ELP1: variants seen among roughly 807,000 people sequenced by gnomAD.
The protein encoded by ELP1 is elongator acetyltransferase complex subunit 1, also known as elongator complex protein 1.
Under a neutral mutation model 183.2 loss-of-function variants are expected in ELP1, and 131 were observed. The ratio of observed to expected loss-of-function variants is 0.72; its 90% confidence interval spans 0.62 to 0.83. The LOEUF is 0.83. Ranked by LOEUF, ELP1 falls within the 40% of genes least tolerant of loss-of-function variation. The pLI is 0.00. For synonymous variants in ELP1, 555 were observed against 569.0 expected (o/e 0.98, Z 0.35); for missense variants, 1,550 against 1,594.9 (o/e 0.97, Z 0.48).
chr9:108,869,280 T>C (rs1407412298), intron 36 of ELP1, 98 bp from the exon 37 acceptor site: 1 of 1,004,778 alleles, frequency 1.0e-6, no homozygotes. Flanking sequence ...CAGGTGGAGT[T>C]TGCAGCAATA....
intron 14 of ELP1, among the ~76,000 whole-genome samples, chr9:108,905,334 T>C (rs1828979161): frequency 6.6e-6 from 1 of 152,192 alleles, no homozygotes; most frequent in Non-Finnish European, 1.5e-5. Context: ...TGCCAAGTAT[T>C]GACACTGGAA....
Position 108,912,393 on chromosome 9 carries a change from C to A in ELP1, c.1060G>T (p.Val354Leu), listed in dbSNP as rs187183483. ...SKIVSLMWDP[V>L]TPYRLHVLCQ... is the part of the protein sequence containing the mutation. ...AGAACATGCAGCCGGTATGGGGTCA[C>A]AGGGTCCCACATCAGAGACACAATC... Residue 354 changes from valine to leucine, a missense_variant, in exon 11 of 37, where the codon GTG becomes TTG. Val to Leu is a conservative substitution (Grantham distance 32). Coordinates refer to ENST00000374647, the MANE Select transcript of ELP1 (RefSeq NM_003640.5). 52 of 1,614,152 alleles carry A rather than the reference C, an allele frequency of 3.2e-5. No individual in the cohort carries two copies. The East Asian group carries it at 1.1e-3, about 35-fold the overall frequency.
chr9:108,912,823 C>T (rs183422009), intron 10 of ELP1, among the ~76,000 whole-genome samples: 30 of 147,532 alleles, frequency 2.0e-4, no homozygotes, highest in African/African-American at 7.0e-4. Context: ...GGCGCAATCT[C>T]GGCTCACTGC....
chr9:108,882,269 A>C (rs955106226), intron 29 of ELP1, 82 bp from the exon 30 acceptor site: 662 of 1,159,032 alleles, frequency 5.7e-4, no homozygotes, highest in East Asian at 1.9e-3. Context: ...CTAACCACAG[A>C]CCTGCCTCTA....
intron 6 of ELP1, among the ~76,000 whole-genome samples, chr9:108,922,489 C>T (rs1242120656): frequency 6.6e-6 from 1 of 152,134 alleles, no homozygotes; most frequent in Non-Finnish European, 1.5e-5. Flanking sequence ...AGTATGAGAA[C>T]ATGCATGTGA....
chr9:108,904,556 T>C (rs1020725265), intron 14 of ELP1, among the ~76,000 whole-genome samples: 4 of 152,232 alleles, frequency 2.6e-5, no homozygotes, highest in Admixed American at 2.6e-4. Context: ...GGAATTCCTC[T>C]ACAAATGCTT....
chr9:108,896,700 G>A (rs1828560725), intron 24 of ELP1, 56 bp from the exon 25 acceptor site: 1 of 1,533,920 alleles, frequency 6.5e-7, no homozygotes, highest in African/African-American at 1.4e-5. Flanking sequence ...AAAATCCACA[G>A]ACCTAACAAC....
At chr9:108,921,585 C>CAAAA (rs11369159) in intron 6 of ELP1, among the ~76,000 whole-genome samples, 1 of 137,716 alleles carries the variant, frequency 7.3e-6, no homozygotes. Flanking sequence ...TAAGTCCTGC[C>CAAAA]AAAAAAAAAA....
intron 1 of ELP1, 53 bp from the exon 2 acceptor site, chr9:108,931,254 T>G: frequency 1.7e-6 from 2 of 1,171,708 alleles, no homozygotes; most frequent in East Asian, 2.4e-5. Flanking sequence ...TTTATTTAAA[T>G]GAAATGATTC....
At chr9:108,920,105 C>A (rs565208243) in intron 6 of ELP1, among the ~76,000 whole-genome samples, 27 of 152,202 alleles carry the variant, frequency 1.8e-4, no homozygotes, top group Non-Finnish European at 1.5e-5. Flanking sequence ...CTGAAATAGG[C>A]ATTATATGAA....
Position 108,878,934 on chromosome 9 carries a change from C to A in ELP1, c.3573-184G>T, listed in dbSNP as rs548610699. Among the ~76,000 whole-genome samples, 7 of 152,294 alleles carry A rather than the reference C, an allele frequency of 4.6e-5. No homozygotes were observed. In the South Asian group the frequency reaches 1.5e-3, roughly 32 times the overall value. ...TAATCTTGCATTGCTTTACACATCC[C>A]AAGCAAGACTATAAACTCTTATAAC... is the stretch of plus-strand genomic sequence containing the variant. On this transcript the variant is annotated intron_variant, in intron 33 of 36. Coordinates refer to ENST00000374647, the MANE Select transcript of ELP1 (RefSeq NM_003640.5).
At chr9:108,933,733 G>A (rs553112841) in intron 1 of ELP1, 131 bp downstream of exon 1, 12 of 152,602 alleles carry the variant, frequency 7.9e-5, no homozygotes, top group African/African-American at 2.9e-4. Context: ...AAGGCTCTAG[G>A]AAAGAGGTGG....
chr9:108,899,995 A>T, intron 19 of ELP1, 100 bp from the exon 20 acceptor site: 2 of 965,148 alleles, frequency 2.1e-6, no homozygotes, highest in East Asian at 2.6e-5. Context: ...AATTACCACA[A>T]CTCTCTAAAA....
At chr9:108,914,769 G>A (rs1829368395) in intron 10 of ELP1, among the ~76,000 whole-genome samples, 2 of 152,068 alleles carry the variant, frequency 1.3e-5, no homozygotes, top group African/African-American at 4.8e-5. Context: ...GGGACTACAG[G>A]CGCCTGCCAC....
At chr9:108,930,840 C>CCA (rs1829979066) in intron 2 of ELP1, among the ~76,000 whole-genome samples, 157 bp downstream of exon 2, 1 of 152,082 alleles carries the variant, frequency 6.6e-6, no homozygotes, top group African/African-American at 2.4e-5. Flanking sequence ...ACGATTTAAG[C>CCA]TATGTCTAAC....
rs574131889 is a variant in ELP1 at position 108,913,882 on chromosome 9, C to A, written c.959-1388G>T. On this transcript the variant is annotated intron_variant, in intron 10 of 36. Transcript: ENST00000374647. ...TTTTTATGCTCAGCATATCACAGTG[C>A]CATCCCTTGACACACTGGTTAATCG... is the stretch of plus-strand genomic sequence containing the variant. 4.6e-5 allele frequency among the ~76,000 whole-genome samples: 7 copies of A among 152,284 alleles called. No individual in the cohort carries two copies. In the South Asian group the frequency reaches 1.2e-3, roughly 27 times the overall value.
intron 14 of ELP1, among the ~76,000 whole-genome samples, chr9:108,904,653 A>G (rs1460703022): frequency 1.3e-5 from 2 of 152,184 alleles, no homozygotes; most frequent in Non-Finnish European, 2.9e-5. Context: ...CTCCACCTGC[A>G]TGATCTCAGG....
At chr9:108,909,534 T>C (rs985757865) in intron 12 of ELP1, among the ~76,000 whole-genome samples, 2 of 152,342 alleles carry the variant, frequency 1.3e-5, no homozygotes, top group East Asian at 3.9e-4. Context: ...CCTGTTCCAG[T>C]CCAAGATCTC....
At chr9:108,884,831 A>G (rs1336416645) in intron 29 of ELP1, among the ~76,000 whole-genome samples, 2 of 152,214 alleles carry the variant, frequency 1.3e-5, no homozygotes. Context: ...ATGGAATCCC[A>G]GCACTTTGGG....
Sources: gnomAD v4.1 joint callset for allele counts (sites outside exome capture counted in the v4.1 genomes callset) on GRCh38, gnomAD v4.1.1 for gene constraint, MANE v1.5 for transcripts, NCBI Gene and HGNC (gene_info 2026-07-23, HGNC 2026-07-21) for gene names.